MYO10: variants seen among roughly 807,000 people sequenced by gnomAD.
MYO10 encodes the protein myosin X.
MYO10 carries 133 observed loss-of-function variants against 257.3 expected under a neutral mutation model. The ratio of observed to expected loss-of-function variants is 0.52; its 90% CI spans 0.45 to 0.60. MYO10 has a LOEUF of 0.60. Among genes scored for constraint, MYO10 ranks in the 20% least tolerant of loss-of-function variants. The pLI, the probability that MYO10 is intolerant of heterozygous loss-of-function variation, is 0.00. For synonymous variants in MYO10, 1,104 were observed against 1,028.6 expected (o/e 1.07, Z -1.40); for missense variants, 2,399 against 2,635.7 (o/e 0.91, Z 1.97).
chr5:16,740,353 A>G (rs369311198), intron 19 of MYO10, among the ~76,000 whole-genome samples: 130 of 151,530 alleles, frequency 8.6e-4, no homozygotes, highest in African/African-American at 2.7e-3. Flanking sequence ...CTTAGAGGGG[A>G]AAAAAAAATA....
chr5:16,710,617 G>A (rs750304929), intron 21 of MYO10: 29 of 406,870 alleles, frequency 7.1e-5, no homozygotes, highest in Admixed American at 1.1e-4. Context: ...ACTGTTATTC[G>A]TCTGCCAACA....
intron 1 of MYO10, among the ~76,000 whole-genome samples, chr5:16,909,975 T>C (rs183198164): frequency 1.4e-3 from 217 of 152,308 alleles, no homozygotes; most frequent in African/African-American, 5.1e-3. Context: ...GGAAGCTTCC[T>C]GAGGCCTCAC....
chr5:16,818,260 A>C lies in MYO10; in HGVS notation c.121-93T>G, dbSNP rs888583255. The C allele has an allele frequency of 2.7e-5, 30 of 1,107,698 alleles. 2 individuals carry two copies. In the Admixed American group the frequency reaches 9.1e-4, roughly 33 times the overall value. 68.6% of individuals were successfully genotyped at this position (1,107,698 alleles called of 1,614,324 possible). On this transcript the variant is annotated intron_variant, in intron 2 of 40. Transcript: ENST00000513610. ...AAACTGACAATACAATCTCAGTATA[A>C]TTTCAGGAAAAAGATTCTAAATTGG... is the stretch of plus-strand genomic sequence containing the variant.
chr5:16,812,987 T>TA (rs200726398), intron 3 of MYO10, among the ~76,000 whole-genome samples: 1,738 of 151,230 alleles, frequency 0.011, 13 homozygotes, highest in Middle Eastern at 0.021. Flanking sequence ...AAAGCTACAA[T>TA]AAAAAAATAT....
chr5:16,933,246 C>G (rs960685287), intron 1 of MYO10, among the ~76,000 whole-genome samples: 2 of 152,132 alleles, frequency 1.3e-5, no homozygotes, highest in African/African-American at 2.4e-5. Context: ...ATAGGGTTAA[C>G]AATTACTGAG....
intron 19 of MYO10, among the ~76,000 whole-genome samples, chr5:16,747,918 C>CAAAAAAAAAAAAAAAAAAAAA (rs777257950): frequency 1.6e-4 from 5 of 30,532 alleles, no homozygotes; most frequent in Non-Finnish European, 4.8e-4. Flanking sequence ...AACTCCGTCT[C>CAAAAAAAAAAAAAAAAAAAAA]AAAAAAAAAA....
chr5:16,824,452 A>G (rs1428563784), intron 2 of MYO10, among the ~76,000 whole-genome samples: 1 of 152,216 alleles, frequency 6.6e-6, no homozygotes, highest in African/African-American at 2.4e-5. Context: ...ATACTACCCA[A>G]AATGACAATA....
chr5:16,780,633 T>C (rs948965362), intron 7 of MYO10, 25 bp from the exon 8 acceptor site: 1 of 1,554,900 alleles, frequency 6.4e-7, no homozygotes, highest in Non-Finnish European at 8.7e-7. Context: ...CAGATTTATA[T>C]TCAGAGATGT....
At chr5:16,796,906 G>A (rs904670728) in intron 3 of MYO10, among the ~76,000 whole-genome samples, 1 of 152,128 alleles carries the variant, frequency 6.6e-6, no homozygotes, top group East Asian at 1.9e-4. Context: ...AATCTGACTG[G>A]TGTCTTTGTT....
chr5:16,762,490 C>G, intron 15 of MYO10, 55 bp downstream of exon 15: 1 of 1,403,556 alleles, frequency 7.1e-7, no homozygotes, highest in Non-Finnish European at 9.9e-7. Context: ...GTGTGTAATC[C>G]CAACCCACAG....
At chr5:16,893,056 G>A (rs1404001081) in intron 1 of MYO10, among the ~76,000 whole-genome samples, 2 of 151,854 alleles carry the variant, frequency 1.3e-5, no homozygotes, top group Non-Finnish European at 2.9e-5. Context: ...AATTAGCCGG[G>A]CGTGGTGGCG....
intron 1 of MYO10, among the ~76,000 whole-genome samples, chr5:16,911,715 G>C (rs989857925): frequency 6.6e-6 from 1 of 152,058 alleles, no homozygotes; most frequent in Admixed American, 6.6e-5. Context: ...CTGGGTAACT[G>C]AGTGAGATCC....
intron 5 of MYO10, among the ~76,000 whole-genome samples, chr5:16,782,937 C>A (rs1741465401): frequency 6.6e-6 from 1 of 152,240 alleles, no homozygotes; most frequent in Admixed American, 6.5e-5. Flanking sequence ...CCCCCTTTTA[C>A]ACAGTGGCTG....
At chr5:16,903,805 G>C (rs1443452002) in intron 1 of MYO10, among the ~76,000 whole-genome samples, 1 of 152,170 alleles carries the variant, frequency 6.6e-6, no homozygotes, top group East Asian at 1.9e-4. Flanking sequence ...AATGACATAA[G>C]AAGTGCACAT....
Position 16,763,699 on chromosome 5 carries a change from G to A in MYO10, c.1383C>T (p.Tyr461=). Residue 461 remains tyrosine, a synonymous_variant, in exon 13 of 41, where the codon TAC becomes TAT. Coordinates refer to ENST00000513610, the MANE Select transcript of MYO10 (RefSeq NM_012334.3). ...CTAAAGAAAAAATATGCTTGTTGAA[G>A]TACTCCTGAAGTTTCTCGTTTGCAT... ...INYANEKLQE[Y]FNKHIFSLEQ... is the part of the protein sequence containing the mutation. 1 of 1,611,030 alleles carries A rather than the reference G, an allele frequency of 6.2e-7. No individual in the cohort carries two copies. Among genetic ancestry groups the A allele is most frequent in the Non-Finnish European group, 8.5e-7 (1 of 1,177,568 alleles).
At chr5:16,839,927 G>A (rs1743424575) in intron 2 of MYO10, among the ~76,000 whole-genome samples, 1 of 152,160 alleles carries the variant, frequency 6.6e-6, no homozygotes, top group Non-Finnish European at 1.5e-5. Flanking sequence ...GGTTTGTCAG[G>A]ATAGAGCCTC....
chr5:16,755,366 C>T (rs530420729), intron 18 of MYO10, among the ~76,000 whole-genome samples: 4 of 152,282 alleles, frequency 2.6e-5, no homozygotes, highest in East Asian at 3.9e-4. Context: ...GCGGTTTCAC[C>T]GTGTTAGCCA....
intron 19 of MYO10, among the ~76,000 whole-genome samples, chr5:16,726,457 G>C (rs113804287): frequency 0.022 from 3,330 of 152,238 alleles, 123 homozygotes; most frequent in African/African-American, 0.077. Flanking sequence ...AGATATTATT[G>C]TCATCCCCAT....
At chr5:16,769,983 G>T (rs984711715) in intron 9 of MYO10, among the ~76,000 whole-genome samples, 1 of 151,866 alleles carries the variant, frequency 6.6e-6, no homozygotes, top group Admixed American at 6.6e-5. Flanking sequence ...GGCCAGGCTG[G>T]TCTCAAACTC....
Sources: gnomAD v4.1 joint callset for allele counts (sites outside exome capture counted in the v4.1 genomes callset) on GRCh38, gnomAD v4.1.1 for gene constraint, MANE v1.5 for transcripts, NCBI Gene and HGNC (gene_info 2026-07-23, HGNC 2026-07-21) for gene names.